Variants in TMC1 observed in about 807,000 individuals in gnomAD.
The protein encoded by TMC1 is transmembrane channel-like protein 1.
TMC1 carries 84 observed loss-of-function variants against 105.8 expected under a neutral mutation model. That is an observed-to-expected ratio of 0.79 (90% CI 0.67 to 0.95). TMC1 has a LOEUF of 0.95. Ranked by LOEUF, TMC1 falls within the 40% of genes least tolerant of loss-of-function variation. The probability of loss-of-function intolerance (pLI) is 0.00; values close to 1 mark genes in which losing one functional copy is unlikely to be tolerated. For missense variants in TMC1, 817 were observed against 914.1 expected (o/e 0.89, Z 1.37); for synonymous variants, 315 against 311.5 (o/e 1.01, Z -0.12).
intron 1 of TMC1, among the ~76,000 whole-genome samples, chr9:72,545,167 TACAC>T (rs1392827008): frequency 6.6e-6 from 1 of 151,006 alleles, no homozygotes; most frequent in African/African-American, 2.4e-5. Context: ...CACACATATA[TACAC>T]ACACACATTT....
At chr9:72,612,564 A>C (rs1317023950) in intron 2 of TMC1, among the ~76,000 whole-genome samples, 1 of 151,918 alleles carries the variant, frequency 6.6e-6, no homozygotes, top group Non-Finnish European at 1.5e-5. Flanking sequence ...TAACTCTGCT[A>C]TCTCAGTGAG....
At chr9:72,768,677 T>C (rs1316404241) in intron 12 of TMC1, among the ~76,000 whole-genome samples, 2 of 152,054 alleles carry the variant, frequency 1.3e-5, no homozygotes, top group African/African-American at 4.8e-5. Flanking sequence ...TGATCTAGTA[T>C]TTATGAAGTG....
chr9:72,604,590 G>T (rs1298043562), intron 2 of TMC1, among the ~76,000 whole-genome samples: 1 of 152,104 alleles, frequency 6.6e-6, no homozygotes, highest in Non-Finnish European at 1.5e-5. Flanking sequence ...GCTTATTGCT[G>T]TCTCTTTCCA....
chr9:72,642,412 A>AAAATT (rs1825643894), intron 4 of TMC1, among the ~76,000 whole-genome samples: 1 of 152,228 alleles, frequency 6.6e-6, no homozygotes, highest in Admixed American at 6.5e-5. Flanking sequence ...GTTGGTTAAC[A>AAAATT]TGAGTTTAAG....
chr9:72,761,719 A>T lies in TMC1; in HGVS notation c.741+6835A>T, dbSNP rs114203933. 4.9e-3 allele frequency among the ~76,000 whole-genome samples: 753 copies of T among 152,310 alleles called. 8 individuals carry two copies. The highest frequency in any genetic ancestry group is 0.017 in the African/African-American group (720 of 41,570). Reference sequence around the variant, plus strand: ...GGTTAGACACATATAGAATGTTAATAAAAAGGAGATAAGTTCTTTAATCAA... The same window carrying T: ...GGTTAGACACATATAGAATGTTAATTAAAAGGAGATAAGTTCTTTAATCAA... On this transcript the variant is annotated intron_variant, in intron 12 of 23. Coordinates refer to ENST00000297784, the MANE Select transcript of TMC1 (RefSeq NM_138691.3).
intron 1 of TMC1, among the ~76,000 whole-genome samples, chr9:72,548,807 G>A (rs961389809): frequency 6.6e-6 from 1 of 152,118 alleles, no homozygotes; most frequent in Non-Finnish European, 1.5e-5. Flanking sequence ...GCAACATAGT[G>A]AGATCCCATC....
chr9:72,707,479 G>T (rs907366089), intron 8 of TMC1, among the ~76,000 whole-genome samples: 1 of 152,126 alleles, frequency 6.6e-6, no homozygotes, highest in Non-Finnish European at 1.5e-5. Context: ...GTATTACATT[G>T]TGGTTTTGAT....
chr9:72,611,554 G>A (rs890951631), intron 2 of TMC1, among the ~76,000 whole-genome samples: 5 of 152,052 alleles, frequency 3.3e-5, no homozygotes, highest in African/African-American at 7.2e-5. Context: ...GTCTGTTAGT[G>A]CTTTGCAGCT....
chr9:72,751,880 T>G lies in TMC1; in HGVS notation c.566T>G (p.Phe189Cys). ...TTTGGCTCCTCAGTGGCCTCATACT[T>G]CCTCTTCTTGAGATGGATGTATGGA... is the stretch of plus-strand genomic sequence containing the variant. Reference protein sequence around the residue: ...SQFGSSVASYFLFLRWMYGVN... With the variant: ...SQFGSSVASYCLFLRWMYGVN... The change falls in exon 11 of 24, where the codon TTC becomes TGC. Residue 189 changes from phenylalanine to cysteine, a missense_variant. By Grantham distance (205) the Phe-to-Cys change is radical. Coordinates refer to ENST00000297784, the MANE Select transcript of TMC1 (RefSeq NM_138691.3). 2 of 1,613,486 alleles carry G rather than the reference T, an allele frequency of 1.2e-6. No individual in the cohort carries two copies. The highest frequency in any genetic ancestry group is 1.7e-6 in the Non-Finnish European group (2 of 1,179,492).
Position 72,702,305 on chromosome 9 carries a change from G to T in TMC1, c.362+1662G>T, listed in dbSNP as rs934950337. Among the ~76,000 whole-genome samples the T allele has an allele frequency of 2.6e-5, 4 of 152,032 alleles. No homozygotes were observed. In the South Asian group the frequency reaches 8.3e-4, roughly 32 times the overall value. ...GTGTAGAAATACCCCCCTGGTCTTT[G>T]CCCGTATCTCTCGTGCAGGATCGTG... On this transcript the variant is annotated intron_variant, in intron 8 of 23. Transcript: ENST00000297784.
chr9:72,761,721 A>G (rs547846021), intron 12 of TMC1, among the ~76,000 whole-genome samples: 1 of 152,228 alleles, frequency 6.6e-6, no homozygotes, highest in Non-Finnish European at 1.5e-5. Context: ...ATGTTAATAA[A>G]AAGGAGATAA....
intron 4 of TMC1, among the ~76,000 whole-genome samples, chr9:72,635,292 C>A (rs1825515301): frequency 6.6e-6 from 1 of 151,942 alleles, no homozygotes; most frequent in Admixed American, 6.6e-5. Context: ...GAAAAATGTT[C>A]CTTCAGATTT....
intron 5 of TMC1, among the ~76,000 whole-genome samples, chr9:72,668,989 C>T (rs912219129): frequency 6.6e-6 from 1 of 152,160 alleles, no homozygotes; most frequent in African/African-American, 2.4e-5. Flanking sequence ...AAAACAAAAA[C>T]ATAACACAAT....
intron 13 of TMC1, among the ~76,000 whole-genome samples, chr9:72,774,554 G>A (rs925652794): frequency 6.6e-6 from 1 of 152,054 alleles, no homozygotes; most frequent in East Asian, 1.9e-4. Flanking sequence ...AAAGTTGCTC[G>A]AAGATGCCAT....
chr9:72,687,978 A>G (rs367972203), intron 5 of TMC1, among the ~76,000 whole-genome samples: 1 of 152,138 alleles, frequency 6.6e-6, no homozygotes. Context: ...ATTTTTTCAT[A>G]TTACTGTAGT....
At chr9:72,745,530 T>A (rs1260034904) in intron 10 of TMC1, among the ~76,000 whole-genome samples, 2 of 152,126 alleles carry the variant, frequency 1.3e-5, no homozygotes, top group Non-Finnish European at 2.9e-5. Context: ...AGTGAGTGAT[T>A]TATTTAATTA....
At chr9:72,753,392 A>G (rs368077982) in intron 11 of TMC1, among the ~76,000 whole-genome samples, 1 of 149,922 alleles carries the variant, frequency 6.7e-6, no homozygotes, top group Non-Finnish European at 1.5e-5. Context: ...GCAGGTATAA[A>G]TGGAGTTTTA....
Position 72,830,652 on chromosome 9 carries a change from C to G in TMC1, c.2230C>G (p.Arg744Gly). The G allele has an allele frequency of 6.2e-7, 1 of 1,612,924 alleles. No homozygotes were observed. The highest frequency in any genetic ancestry group is 1.1e-5 in the South Asian group (1 of 90,928). The change falls in exon 23 of 24, where the codon CGA (arginine) becomes GGA (glycine). Residue 744 changes from arginine (R) to glycine (G), a missense_variant. Physicochemically the swap from Arg to Gly is moderately radical, Grantham distance 125. Coordinates refer to ENST00000297784, the MANE Select transcript of TMC1 (RefSeq NM_138691.3). The part of the protein sequence containing the change: ...MKMQALENKM[R>G]NKKMAAARAA... Reference sequence around the variant, plus strand: ...GTAGCAAGCTTTGGAGAACAAAATGCGAAACAAGAAAATGGCAGCTGCACG... The same window carrying G: ...GTAGCAAGCTTTGGAGAACAAAATGGGAAACAAGAAAATGGCAGCTGCACG...
chr9:72,718,536 C>T (rs1045116940), intron 8 of TMC1, among the ~76,000 whole-genome samples: 2 of 152,220 alleles, frequency 1.3e-5, no homozygotes, highest in Non-Finnish European at 1.5e-5. Context: ...GATGTCTGCA[C>T]AGAGTCCTGT....
Sources: gnomAD v4.1 joint callset for allele counts (sites outside exome capture counted in the v4.1 genomes callset) on GRCh38, gnomAD v4.1.1 for gene constraint, MANE v1.5 for transcripts, NCBI Gene and HGNC (gene_info 2026-07-23, HGNC 2026-07-21) for gene names.